FAM135B: variants seen among roughly 807,000 people sequenced by gnomAD.
The protein encoded by FAM135B is protein FAM135B.
In FAM135B, 43 loss-of-function variants were observed where a neutral mutation model predicts 127.7. That is an observed-to-expected ratio of 0.34 (90% CI 0.26 to 0.43). The LOEUF is 0.43. Ranked by LOEUF, FAM135B falls within the 20% of genes least tolerant of loss-of-function variation. The probability of loss-of-function intolerance (pLI) is 1.00; values close to 1 mark genes in which losing one functional copy is unlikely to be tolerated. For missense variants in FAM135B, 1,558 were observed against 1,725.6 expected (o/e 0.90, Z 1.72); for synonymous variants, 670 against 665.1 (o/e 1.01, Z -0.11).
intron 10 of FAM135B, 93 bp from the exon 11 acceptor site, chr8:138,177,513 A>C (rs1814588311): frequency 9.0e-7 from 1 of 1,112,258 alleles, no homozygotes; most frequent in Non-Finnish European, 1.3e-6. Flanking sequence ...AAGATGAATG[A>C]TATTTCCTAA....
chr8:138,181,599 AC>A (rs1815043490), intron 9 of FAM135B, among the ~76,000 whole-genome samples: 1 of 151,822 alleles, frequency 6.6e-6, no homozygotes, highest in Non-Finnish European at 1.5e-5. Flanking sequence ...TTCCCCCGTC[AC>A]CTTCCAGTTT....
rs556738373 is a variant in FAM135B at position 138,159,857 on chromosome 8, T to C, written c.1259-6641A>G. ...TGATAAAGAGTGTCTTTGGTATTTA[T>C]GGGGTCTTGATAATTTATGCTAACC... On this transcript the variant is annotated intron_variant, in intron 12 of 19. Transcript: ENST00000395297. Among the ~76,000 whole-genome samples, 14 of 152,314 alleles carry C rather than the reference T, an allele frequency of 9.2e-5. No individual in the cohort carries two copies. The South Asian group carries it at 2.7e-3, about 29-fold the overall frequency.
chr8:138,305,138 C>A (rs759382633), intron 3 of FAM135B, among the ~76,000 whole-genome samples: 1 of 152,198 alleles, frequency 6.6e-6, no homozygotes, highest in Non-Finnish European at 1.5e-5. Context: ...GTCGGTCCCC[C>A]GCCCTCTACA....
At chr8:138,228,507 T>C (rs1819652756) in intron 7 of FAM135B, among the ~76,000 whole-genome samples, 1 of 152,120 alleles carries the variant, frequency 6.6e-6, no homozygotes, top group East Asian at 1.9e-4. Flanking sequence ...TTTATTCCTA[T>C]GTTAAAGAAT....
At chr8:138,433,329 C>T (rs1051452884) in intron 1 of FAM135B, among the ~76,000 whole-genome samples, 4 of 151,886 alleles carry the variant, frequency 2.6e-5, no homozygotes, top group Admixed American at 1.3e-4. Context: ...CAAGACCAGC[C>T]TGACCAACAT....
intron 2 of FAM135B, among the ~76,000 whole-genome samples, chr8:138,319,619 G>C (rs888615628): frequency 2.6e-5 from 4 of 152,170 alleles, no homozygotes; most frequent in South Asian, 2.1e-4. Context: ...GATTTGCACA[G>C]AACTCCTTCT....
intron 7 of FAM135B, among the ~76,000 whole-genome samples, chr8:138,216,648 G>A (rs564614197): frequency 3.3e-5 from 5 of 152,306 alleles, no homozygotes; most frequent in South Asian, 2.1e-4. Context: ...ACCTGAAGTC[G>A]TCTGATGTGT....
At chr8:138,170,079 G>A (rs1295941698) in intron 11 of FAM135B, among the ~76,000 whole-genome samples, 1 of 152,156 alleles carries the variant, frequency 6.6e-6, no homozygotes, top group African/African-American at 2.4e-5. Context: ...GCAACTGCAA[G>A]GTTTTGCTAG....
intron 1 of FAM135B, among the ~76,000 whole-genome samples, chr8:138,470,667 T>C (rs1247100194): frequency 6.7e-6 from 1 of 149,296 alleles, no homozygotes; most frequent in Non-Finnish European, 1.5e-5. Context: ...AATATTATAA[T>C]CCACAAATCT....
At chr8:138,219,794 T>G (rs1332171604) in intron 7 of FAM135B, among the ~76,000 whole-genome samples, 2 of 152,002 alleles carry the variant, frequency 1.3e-5, no homozygotes, top group Non-Finnish European at 1.5e-5. Flanking sequence ...TCCAAATGTG[T>G]TTTTACTAGT....
chr8:138,177,587 C>T (rs1183930106), intron 10 of FAM135B, among the ~76,000 whole-genome samples, 167 bp from the exon 11 acceptor site: 1 of 152,192 alleles, frequency 6.6e-6, no homozygotes, highest in Non-Finnish European at 1.5e-5. Flanking sequence ...TTCCTCCAAA[C>T]TGATCTCTCT....
chr8:138,391,385 A>C (rs1210152507), intron 1 of FAM135B, among the ~76,000 whole-genome samples: 1 of 147,172 alleles, frequency 6.8e-6, no homozygotes. Flanking sequence ...CCCTCCTTTC[A>C]CCTCCATTCA....
At chr8:138,304,932 C>G (rs1425003106) in intron 3 of FAM135B, among the ~76,000 whole-genome samples, 1 of 152,182 alleles carries the variant, frequency 6.6e-6, no homozygotes, top group Admixed American at 6.5e-5. Context: ...ATCAGGAAGG[C>G]CACTCTGCCA....
chr8:138,216,900 G>A (rs1818589999), intron 7 of FAM135B, among the ~76,000 whole-genome samples: 1 of 152,186 alleles, frequency 6.6e-6, no homozygotes, highest in Non-Finnish European at 1.5e-5. Context: ...CACATAATAA[G>A]TAGGCTACAG....
chr8:138,326,304 T>C (rs1827795143), intron 2 of FAM135B, among the ~76,000 whole-genome samples: 1 of 152,146 alleles, frequency 6.6e-6, no homozygotes, highest in South Asian at 2.1e-4. Flanking sequence ...AAGTTCCTTC[T>C]AGAGAGCCAA....
At chr8:138,190,461 T>C (rs1018490452) in intron 9 of FAM135B, among the ~76,000 whole-genome samples, 4 of 152,140 alleles carry the variant, frequency 2.6e-5, no homozygotes, top group African/African-American at 9.7e-5. Context: ...AGCAAGAAAA[T>C]ACCAACACAA....
At chr8:138,353,521 T>A (rs1282941398) in intron 2 of FAM135B, among the ~76,000 whole-genome samples, 2 of 152,314 alleles carry the variant, frequency 1.3e-5, no homozygotes, top group East Asian at 1.9e-4. Context: ...GAGACTCTTT[T>A]GCAAGTTTCT....
intron 1 of FAM135B, among the ~76,000 whole-genome samples, chr8:138,383,487 T>C (rs1831995297): frequency 6.6e-6 from 1 of 152,250 alleles, no homozygotes; most frequent in Admixed American, 6.5e-5. Flanking sequence ...GTTTCTGTTT[T>C]CCCAGTTATT....
At chr8:138,282,000 T>C (rs1160984595) in intron 3 of FAM135B, among the ~76,000 whole-genome samples, 1 of 152,238 alleles carries the variant, frequency 6.6e-6, no homozygotes, top group South Asian at 2.1e-4. Flanking sequence ...CCAACCGTAA[T>C]GTAAGCAACA....
Sources: allele counts gnomAD v4.1 joint callset (sites outside exome capture counted in the v4.1 genomes callset), GRCh38; gene constraint gnomAD v4.1.1; transcripts MANE v1.5; gene names NCBI Gene and HGNC (gene_info 2026-07-23, HGNC 2026-07-21).